The following ARHGEF4 variants were observed in gnomAD, a reference collection of about 807,000 sequenced individuals.
ARHGEF4 encodes the protein Rho guanine nucleotide exchange factor 4.
A neutral mutation model predicts 162.0 loss-of-function variants in ARHGEF4; 119 were observed. The observed-to-expected ratio is 0.73, with a 90% CI of 0.63 to 0.86. The LOEUF (loss-of-function observed/expected upper bound fraction) is 0.86. ARHGEF4 is among the 40% of genes least tolerant of loss of function. The probability of loss-of-function intolerance (pLI) is 0.00; values close to 1 mark genes in which losing one functional copy is unlikely to be tolerated. For synonymous variants in ARHGEF4, 1,014 were observed against 979.9 expected (o/e 1.03, Z -0.65); for missense variants, 2,488 against 2,456.0 (o/e 1.01, Z -0.28).
At chr2:131,015,473 G>A (rs1043067493) in intron 4 of ARHGEF4, among the ~76,000 whole-genome samples, 2 of 152,238 alleles carry the variant, frequency 1.3e-5, no homozygotes, top group African/African-American at 4.8e-5. Context: ...TGCCATGCTA[G>A]TGTGAGACCT....
At chr2:130,966,177 C>T (rs1684989015) in intron 4 of ARHGEF4, among the ~76,000 whole-genome samples, 1 of 152,182 alleles carries the variant, frequency 6.6e-6, no homozygotes, top group African/African-American at 2.4e-5. Context: ...TCTCTGCCCC[C>T]ACTTCCTGCC....
chr2:130,844,505 C>T (rs559053911), intron 1 of ARHGEF4, among the ~76,000 whole-genome samples: 11 of 152,280 alleles, frequency 7.2e-5, no homozygotes, highest in East Asian at 3.9e-4. Flanking sequence ...CCACAGGGGT[C>T]GATTTGTCTC....
intron 1 of ARHGEF4, among the ~76,000 whole-genome samples, chr2:130,912,129 T>C (rs898353880): frequency 2.0e-5 from 3 of 152,230 alleles, no homozygotes; most frequent in Non-Finnish European, 4.4e-5. Context: ...GTTCACTGGT[T>C]AATGACAGCA....
intron 4 of ARHGEF4, among the ~76,000 whole-genome samples, chr2:131,012,781 A>G (rs780073477): frequency 6.6e-6 from 1 of 152,188 alleles, no homozygotes; most frequent in Non-Finnish European, 1.5e-5. Context: ...GGGTTCTGCC[A>G]TGTTCGCCAG....
At chr2:130,942,445 G>C (rs1683368604) in intron 3 of ARHGEF4, among the ~76,000 whole-genome samples, 1 of 151,988 alleles carries the variant, frequency 6.6e-6, no homozygotes, top group Non-Finnish European at 1.5e-5. Context: ...CACCACGCCT[G>C]GCTGGTTTGG....
chr2:130,856,516 C>T lies in ARHGEF4; in HGVS notation c.39+19524C>T, dbSNP rs573665331. 1.9e-4 allele frequency among the ~76,000 whole-genome samples: 29 copies of T among 152,236 alleles called. 1 individual carries two copies. Among genetic ancestry groups the T allele is most frequent in the African/African-American group, 6.7e-4 (28 of 41,550 alleles). ...TTCCTCAGGCTGAGAGCAAGTGACACCAGAGAATAATTCAAATCCACATGA... is the reference window on the plus strand; with the variant it reads ...TTCCTCAGGCTGAGAGCAAGTGACATCAGAGAATAATTCAAATCCACATGA... On this transcript the variant is annotated intron_variant, in intron 1 of 13. Coordinates refer to ENST00000409359, the MANE Select transcript of ARHGEF4 (RefSeq NM_001367493.1).
chr2:130,908,636 A>G (rs1212713496), intron 1 of ARHGEF4, among the ~76,000 whole-genome samples: 1 of 152,138 alleles, frequency 6.6e-6, no homozygotes, highest in Non-Finnish European at 1.5e-5. Flanking sequence ...AGATTGCGCC[A>G]TTGCACTCCA....
intron 1 of ARHGEF4, among the ~76,000 whole-genome samples, chr2:130,907,688 C>T (rs192409575): frequency 3.4e-3 from 518 of 151,708 alleles, no homozygotes; most frequent in East Asian, 0.012. Context: ...GTGCGGTGGC[C>T]CACGCCTGTA....
chr2:130,981,281 G>A (rs189374746), intron 4 of ARHGEF4, among the ~76,000 whole-genome samples: 21 of 152,214 alleles, frequency 1.4e-4, no homozygotes, highest in African/African-American at 5.1e-4. Flanking sequence ...ATTATTCACA[G>A]AACCAAATAA....
At chr2:130,924,028 C>T (rs1166707668) in intron 2 of ARHGEF4, among the ~76,000 whole-genome samples, 1 of 151,568 alleles carries the variant, frequency 6.6e-6, no homozygotes, top group Non-Finnish European at 1.5e-5. Context: ...CTACAGGCAC[C>T]CGCCAACACA....
intron 3 of ARHGEF4, among the ~76,000 whole-genome samples, chr2:130,942,467 A>G (rs1051828857): frequency 6.6e-6 from 1 of 152,196 alleles, no homozygotes; most frequent in African/African-American, 2.4e-5. Flanking sequence ...AGTTTCTACT[A>G]GTTTCAACTA....
chr2:130,946,329 C>T (rs1166385332), intron 3 of ARHGEF4, among the ~76,000 whole-genome samples, 180 bp from the exon 4 acceptor site: 1 of 152,152 alleles, frequency 6.6e-6, no homozygotes, highest in Non-Finnish European at 1.5e-5. Context: ...CTGCAGACTC[C>T]AGGTGAAGTT....
intron 1 of ARHGEF4, among the ~76,000 whole-genome samples, chr2:130,868,301 C>T (rs1268540777): frequency 1.3e-5 from 2 of 152,046 alleles, no homozygotes; most frequent in Non-Finnish European, 2.9e-5. Flanking sequence ...GGAATAATTT[C>T]TTACAAGGCT....
At chr2:130,946,775 C>T in intron 4 of ARHGEF4, 140 bp downstream of exon 4, 1 of 1,254,616 alleles carries the variant, frequency 8.0e-7, no homozygotes, top group Non-Finnish European at 1.1e-6. Context: ...TGTCCTCTTC[C>T]TTCAGTTAGG....
rs1307431869 is a variant in ARHGEF4, at chr2:131,038,978, G to T, written c.4251G>T (p.Trp1417Cys). 6.2e-7 allele frequency: 1 copy of T among 1,613,608 alleles called. No individual in the cohort carries two copies. Among genetic ancestry groups the T allele is most frequent in the Non-Finnish European group, 8.5e-7 (1 of 1,179,996 alleles). ...TGATGGATGCCACCAACAGAGAGTGGTGGTGGGGCCGGGTCGCCGATGGCG... is the reference window on the plus strand; with the variant it reads ...TGATGGATGCCACCAACAGAGAGTGTTGGTGGGGCCGGGTCGCCGATGGCG... ...IEVMDATNRE[W>C]WWGRVADGEG... Residue 1417 changes from tryptophan (W) to cysteine (C), a missense_variant, in exon 6 of 14, where the codon TGG (tryptophan) becomes TGT (cysteine). Trp to Cys is a radical substitution (Grantham distance 215, BLOSUM62 -2). Around this residue, in one of 6 missense-constraint regions of ARHGEF4, gnomAD observed 174 missense variants for 148.3 expected, o/e 1.17. Transcript: ENST00000409359.
intron 5 of ARHGEF4, among the ~76,000 whole-genome samples, chr2:131,031,716 T>C (rs925232402): frequency 2.6e-5 from 4 of 152,194 alleles, no homozygotes; most frequent in African/African-American, 7.2e-5. Flanking sequence ...AGGAGTGTAC[T>C]CTCTTCTTCC....
At chr2:131,035,265 G>A in intron 5 of ARHGEF4, 1 of 1,220,178 alleles carries the variant, frequency 8.2e-7, no homozygotes, top group Non-Finnish European at 1.0e-6. Context: ...TCCGCTGAGC[G>A]GCCGCGCAGG....
At chr2:130,896,406 G>A (rs938504907) in intron 1 of ARHGEF4, among the ~76,000 whole-genome samples, 2 of 152,196 alleles carry the variant, frequency 1.3e-5, no homozygotes, top group African/African-American at 4.8e-5. Flanking sequence ...AATGGCTCAG[G>A]GCTGCCATGC....
At chr2:130,988,889 TATATATATATATAGAGAGAG>T (rs1165106184) in intron 4 of ARHGEF4, among the ~76,000 whole-genome samples, 71 of 116,456 alleles carry the variant, frequency 6.1e-4, no homozygotes, top group African/African-American at 1.9e-3. Context: ...TATATATATA[TATATATATATATAGAGAGAG>T]AGAGAGAGAG....
Sources: gnomAD v4.1 joint callset for allele counts (sites outside exome capture counted in the v4.1 genomes callset) on GRCh38, gnomAD v4.1.1 for gene constraint, gnomAD v4.1.1 regional missense constraint, MANE v1.5 for transcripts, NCBI Gene and HGNC (gene_info 2026-07-23, HGNC 2026-07-21) for gene names.